Variants in TMEM178B observed in about 807,000 individuals in gnomAD.
The protein encoded by TMEM178B is transmembrane protein 178B.
A neutral mutation model predicts 31.0 loss-of-function variants in TMEM178B; 5 were observed. That is an observed-to-expected ratio of 0.16 (90% confidence interval 0.08 to 0.34). The LOEUF (loss-of-function observed/expected upper bound fraction) is 0.34, where lower values mean the gene tolerates loss of function less well. Among genes scored for constraint, TMEM178B ranks in the 10% least tolerant of loss-of-function variants. The probability of loss-of-function intolerance (pLI) is 1.00; values close to 1 mark genes in which losing one functional copy is unlikely to be tolerated. For missense variants in TMEM178B, 275 were observed against 400.3 expected (o/e 0.69, Z 2.67); for synonymous variants, 164 against 164.0 (o/e 1.00, Z 0.00).
At chr7:141,157,686 A>AG (rs1279933652) in intron 1 of TMEM178B, among the ~76,000 whole-genome samples, 1 of 152,212 alleles carries the variant, frequency 6.6e-6, no homozygotes, top group African/African-American at 2.4e-5. Flanking sequence ...TGAAATGGGG[A>AG]TGATAACCCC....
chr7:141,501,316 A>G, the TMEM178B span, among the ~76,000 whole-genome samples: 6 of 150,956 alleles, frequency 4.0e-5, no homozygotes, highest in East Asian at 1.2e-3. Context: ...ATTTATTAGG[A>G]GAAAAAAAAA....
At chr7:141,392,904 T>C (rs930518692) in intron 2 of TMEM178B, among the ~76,000 whole-genome samples, 1 of 151,704 alleles carries the variant, frequency 6.6e-6, no homozygotes, top group Non-Finnish European at 1.5e-5. Context: ...GGGGCTTTCA[T>C]CTGTCATATA....
chr7:141,127,047 G>C lies in TMEM178B; in HGVS notation c.382+52355G>C, dbSNP rs1168306947. On this transcript the variant is annotated intron_variant, in intron 1 of 3. Coordinates refer to ENST00000565468, the MANE Select transcript of TMEM178B (RefSeq NM_001195278.2). ...CTGACCTTCCCAGGCCATCAGCAGT[G>C]AATACCAGGAAAAGCCTTGCAGGTG... 2.6e-5 allele frequency among the ~76,000 whole-genome samples: 4 copies of C among 152,236 alleles called. No individual in the cohort carries two copies. The East Asian group carries it at 7.7e-4, about 29-fold the overall frequency.
chr7:141,355,737 G>A (rs1246925587), intron 2 of TMEM178B, among the ~76,000 whole-genome samples: 2 of 152,168 alleles, frequency 1.3e-5, no homozygotes, highest in African/African-American at 2.4e-5. Flanking sequence ...TTAGATTCAG[G>A]GTGGGACATG....
chr7:141,269,222 C>G (rs1798142307), intron 2 of TMEM178B, among the ~76,000 whole-genome samples: 1 of 151,820 alleles, frequency 6.6e-6, no homozygotes, highest in Non-Finnish European at 1.5e-5. Context: ...TCCCAAGTAG[C>G]TGGGACTACA....
chr7:141,403,030 G>A (rs1373224889), intron 2 of TMEM178B, among the ~76,000 whole-genome samples: 1 of 152,244 alleles, frequency 6.6e-6, no homozygotes, highest in Non-Finnish European at 1.5e-5. Flanking sequence ...TTTGTGGCTG[G>A]TATAAATTTC....
chr7:141,450,739 A>G (rs1466627275), intron 3 of TMEM178B, among the ~76,000 whole-genome samples: 3 of 152,190 alleles, frequency 2.0e-5, no homozygotes, highest in Non-Finnish European at 4.4e-5. Context: ...AACCTATAGC[A>G]GGTCAACAGT....
intron 2 of TMEM178B, among the ~76,000 whole-genome samples, chr7:141,401,272 A>T (rs373946582): frequency 6.6e-6 from 1 of 152,254 alleles, no homozygotes; most frequent in Non-Finnish European, 1.5e-5. Flanking sequence ...TTAAAGAACA[A>T]GAGTTTATTC....
intron 1 of TMEM178B, among the ~76,000 whole-genome samples, chr7:141,097,363 C>T (rs1794978696): frequency 2.3e-5 from 1 of 42,660 alleles, no homozygotes; most frequent in Non-Finnish European, 3.7e-5. Flanking sequence ...GAGACTCCGT[C>T]TCAAAAAAAA....
chr7:141,348,364 C>CATGT (rs974892593), intron 2 of TMEM178B, among the ~76,000 whole-genome samples: 1 of 152,172 alleles, frequency 6.6e-6, no homozygotes, highest in African/African-American at 2.4e-5. Flanking sequence ...GGACAGGATT[C>CATGT]ATGTGGTCTT....
At chr7:141,495,563 C>T in the TMEM178B span, among the ~76,000 whole-genome samples, 2 of 152,180 alleles carry the variant, frequency 1.3e-5, no homozygotes, top group Non-Finnish European at 2.9e-5. Flanking sequence ...AAGGCACTTG[C>T]AGAAATTCCC....
downstream of TMEM178B, among the ~76,000 whole-genome samples, chr7:141,482,206 G>C (rs1399127717): frequency 2.6e-5 from 4 of 152,188 alleles, no homozygotes; most frequent in African/African-American, 9.7e-5. Context: ...CCTAGTGAGA[G>C]CTGTTAAATA....
intron 1 of TMEM178B, among the ~76,000 whole-genome samples, chr7:141,183,976 C>T (rs1796570491): frequency 6.6e-6 from 1 of 152,140 alleles, no homozygotes; most frequent in African/African-American, 2.4e-5. Context: ...TGAGGTCAGC[C>T]TTCAACCAGT....
intron 2 of TMEM178B, among the ~76,000 whole-genome samples, chr7:141,289,072 G>A (rs10260863): frequency 0.015 from 2,328 of 152,252 alleles, 62 homozygotes; most frequent in African/African-American, 0.053. Flanking sequence ...TTCCCTGCTT[G>A]CATGTATCAT....
chr7:141,211,928 C>T (rs1797058429), intron 1 of TMEM178B, among the ~76,000 whole-genome samples: 1 of 152,162 alleles, frequency 6.6e-6, no homozygotes, highest in South Asian at 2.1e-4. Flanking sequence ...AGCCCTGGGA[C>T]CACACTTTGA....
At chr7:141,326,765 A>G (rs6973883) in intron 2 of TMEM178B, among the ~76,000 whole-genome samples, 21,122 of 152,158 alleles carry the variant, frequency 0.14, 1,985 homozygotes, top group African/African-American at 0.26. Context: ...TCCTTTATAG[A>G]AAAGTTTGCT....
chr7:141,193,349 AT>A (rs1796727860), intron 1 of TMEM178B, among the ~76,000 whole-genome samples: 1 of 152,172 alleles, frequency 6.6e-6, no homozygotes, highest in South Asian at 2.1e-4. Flanking sequence ...CTGGCTTCTG[AT>A]TTCAGAGAGG....
chr7:141,440,940 C>A (rs2116687741), intron 3 of TMEM178B, among the ~76,000 whole-genome samples: 2 of 152,318 alleles, frequency 1.3e-5, no homozygotes, highest in Non-Finnish European at 2.9e-5. Flanking sequence ...TACCATTAGG[C>A]ACTAACAGAA....
At chr7:141,231,836 C>T (rs565855234) in intron 2 of TMEM178B, among the ~76,000 whole-genome samples, 5 of 152,260 alleles carry the variant, frequency 3.3e-5, no homozygotes, top group South Asian at 2.1e-4. Flanking sequence ...CACATGTGCA[C>T]GATGTGCAGG....
Sources: gnomAD v4.1 joint callset for allele counts (sites outside exome capture counted in the v4.1 genomes callset) on GRCh38, gnomAD v4.1.1 for gene constraint, MANE v1.5 for transcripts, NCBI Gene and HGNC (gene_info 2026-07-23, HGNC 2026-07-21) for gene names.